PLEKHA6: variants seen among roughly 807,000 people sequenced by gnomAD.
PLEKHA6 encodes pleckstrin homology domain containing A6, also known as pleckstrin homology domain-containing family A member 6.
PLEKHA6 carries 60 observed loss-of-function variants against 116.7 expected under a neutral mutation model. The observed-to-expected ratio is 0.51, with a 90% CI of 0.42 to 0.64. The LOEUF (loss-of-function observed/expected upper bound fraction) is 0.64. Ranked by LOEUF, PLEKHA6 falls within the 30% of genes least tolerant of loss-of-function variation. The pLI is 0.00. For synonymous variants in PLEKHA6, 489 were observed against 556.1 expected, an observed-to-expected ratio of 0.88 and a Z score of 1.70; for missense variants, 1,338 against 1,422.7, an observed-to-expected ratio of 0.94 and a Z score of 0.96.
intron 21 of PLEKHA6, among the ~76,000 whole-genome samples, chr1:204,226,120 C>T (rs940462758): frequency 6.6e-6 from 1 of 152,248 alleles, no homozygotes; most frequent in African/African-American, 2.4e-5. Flanking sequence ...AACCTGTGCC[C>T]ACACAGTGCA....
chr1:204,374,450 A>C (rs1292488376), intron 1 of PLEKHA6, among the ~76,000 whole-genome samples: 1 of 152,144 alleles, frequency 6.6e-6, no homozygotes, highest in Non-Finnish European at 1.5e-5. Context: ...AATAGAAAAG[A>C]TTAGGTGGGA....
At position 204,238,828 on chromosome 1, in the gene PLEKHA6, C is replaced by T. The variant is rs186484409; in HGVS notation, c.2409+2547G>A. Among the ~76,000 whole-genome samples the T allele has an allele frequency of 2.0e-3, 305 of 152,330 alleles. 2 individuals are homozygous for T. Among genetic ancestry groups the T allele is most frequent in the African/African-American group, 7.1e-3 (294 of 41,574 alleles). On this transcript the variant is annotated intron_variant, in intron 17 of 22. Coordinates refer to ENST00000272203, the MANE Select transcript of PLEKHA6 (RefSeq NM_014935.5). The surrounding 1 kb of genome is among the most constrained non-coding windows in gnomAD (Gnocchi z 4.2). ...GCACTACAGCCCCTTTCTAGGACAT[C>T]CCTGAAGAATAGCAGTGAAGGGAAA...
intron 1 of PLEKHA6, among the ~76,000 whole-genome samples, chr1:204,315,637 C>T (rs1224930130): frequency 6.6e-6 from 1 of 152,236 alleles, no homozygotes; most frequent in Non-Finnish European, 1.5e-5. Context: ...GTTAGCCAGT[C>T]ATTCCCTAGA....
In PLEKHA6 at chr1:204,359,828, G is replaced by T; in HGVS notation, c.-229C>A. 1 of 230,468 alleles carries T rather than the reference G, an allele frequency of 4.3e-6. No homozygotes were observed. Among genetic ancestry groups the T allele is most frequent in the Non-Finnish European group, 7.2e-6 (1 of 139,420 alleles). The allele number at this position is 230,468 out of a possible 1,614,324, so 14.3% of individuals were successfully genotyped here. On this transcript the variant is annotated 5_prime_UTR_variant, in exon 1 of 23. Transcript: ENST00000272203. ...CCCCCTTCTGCAGAGCGGGGCTCCG[G>T]ATCTAATCTGATCTAATCAGTCATC...
chr1:204,278,288 G>A (rs1395712167), intron 1 of PLEKHA6, among the ~76,000 whole-genome samples: 2 of 152,216 alleles, frequency 1.3e-5, no homozygotes, highest in Non-Finnish European at 2.9e-5. Flanking sequence ...TCTAGCAAAG[G>A]AGGCTCCAGA....
intron 17 of PLEKHA6, among the ~76,000 whole-genome samples, chr1:204,235,045 T>G (rs1661839316): frequency 7.1e-6 from 1 of 140,928 alleles, no homozygotes; most frequent in African/African-American, 2.6e-5. Flanking sequence ...TATCTGCTAT[T>G]AGTTCTGTCC....
chr1:204,346,818 C>T (rs1673072489), intron 1 of PLEKHA6: 2 of 1,295,790 alleles, frequency 1.5e-6, no homozygotes, highest in Admixed American at 3.4e-5. Flanking sequence ...GCAGCTCAGG[C>T]TCCTTCCCAT....
At position 204,250,685 on chromosome 1, in the gene PLEKHA6, C is replaced by G. The variant is rs554363170; in HGVS notation, c.1525-71G>C. ...GTATGCAGGGATAGGAAGCTAACAT[C>G]ACAATCCCGCTGTGCTCCTGCCAGA... On this transcript the variant is annotated intron_variant, in intron 9 of 22. Transcript: ENST00000272203. The G allele has an allele frequency of 1.4e-4, 144 of 1,021,244 alleles. 3 individuals carry two copies. In the South Asian group the frequency reaches 1.8e-3, roughly 12 times the overall value. The allele number at this position is 1,021,244 out of a possible 1,614,324, so 63.3% of individuals were successfully genotyped here.
At chr1:204,242,043 A>C (rs1234713188) in intron 15 of PLEKHA6, among the ~76,000 whole-genome samples, 1 of 152,160 alleles carries the variant, frequency 6.6e-6, no homozygotes, top group Non-Finnish European at 1.5e-5. Flanking sequence ...ATGATTGCTC[A>C]TGGCCCCTAG....
At chr1:204,246,569 A>C (rs1442525346) in intron 13 of PLEKHA6, among the ~76,000 whole-genome samples, 3 of 152,176 alleles carry the variant, frequency 2.0e-5, no homozygotes, top group Non-Finnish European at 4.4e-5. Flanking sequence ...AGGGAAACAG[A>C]AGAAAATGGG....
chr1:204,337,721 G>C (rs933061414), intron 1 of PLEKHA6, among the ~76,000 whole-genome samples: 1 of 152,156 alleles, frequency 6.6e-6, no homozygotes, highest in Non-Finnish European at 1.5e-5. Flanking sequence ...TCACTTGGGG[G>C]GGGAATCCAG....
intron 1 of PLEKHA6, among the ~76,000 whole-genome samples, chr1:204,337,077 G>A (rs190215282): frequency 6.6e-6 from 1 of 152,352 alleles, no homozygotes; most frequent in East Asian, 1.9e-4. Flanking sequence ...CCCTTGGAGG[G>A]AAGGGTATGA....
intron 1 of PLEKHA6, among the ~76,000 whole-genome samples, chr1:204,320,738 C>A (rs1208376065): frequency 1.3e-5 from 2 of 152,208 alleles, no homozygotes; most frequent in Non-Finnish European, 2.9e-5. Context: ...CCTGTACGCA[C>A]AGCACACTGG....
At position 204,335,980 on chromosome 1, in the gene PLEKHA6, G is replaced by A. The variant is rs148959100; in HGVS notation, c.-95+23714C>T. 3.3e-4 allele frequency among the ~76,000 whole-genome samples: 51 copies of A among 152,280 alleles called. No homozygotes were observed. The East Asian group carries it at 8.3e-3, about 25-fold the overall frequency. ...AGGGCACATGCCCCTACATAAGGGG[G>A]TGGCCCAATGTAAACTTCTCTAGTG... is the stretch of plus-strand genomic sequence containing the variant. On this transcript the variant is annotated intron_variant, in intron 1 of 22. Transcript: ENST00000272203.
chr1:204,308,226 G>A (rs768476498), intron 1 of PLEKHA6, among the ~76,000 whole-genome samples: 8 of 152,190 alleles, frequency 5.3e-5, no homozygotes, highest in South Asian at 2.1e-4. Context: ...CTCCCAGCCC[G>A]ATTCGGCATC....
rs1662856396 is a variant in PLEKHA6, at chr1:204,241,791, G to A, written c.2196C>T (p.Ser732=). Residue 732 remains serine, a synonymous_variant, in exon 16 of 23, where the codon AGC becomes AGT. Coordinates refer to ENST00000272203, the MANE Select transcript of PLEKHA6 (RefSeq NM_014935.5). ...SNEPKANYEQ[S]KKDPHQTLPL... ...GCAATGTCTGGTGGGGGTCTTTCTT[G>A]CTTTGTTCATAGTTTGCCTTGGGCT... The A allele has an allele frequency of 1.2e-6, 2 of 1,614,160 alleles. No homozygotes were observed. Among genetic ancestry groups the A allele is most frequent in the Admixed American group, 1.7e-5 (1 of 60,032 alleles).
chr1:204,312,894 T>G (rs975163282), intron 1 of PLEKHA6, among the ~76,000 whole-genome samples: 1 of 151,120 alleles, frequency 6.6e-6, no homozygotes. Flanking sequence ...TTCTTTTTTT[T>G]CTTTTCCTTT....
At position 204,276,651 on chromosome 1, in the gene PLEKHA6, C is replaced by A. The variant is rs991889742; in HGVS notation, c.-94-1842G>T. 7.9e-5 allele frequency among the ~76,000 whole-genome samples: 12 copies of A among 151,050 alleles called. No homozygotes were observed. In the South Asian group the frequency reaches 2.5e-3, roughly 32 times the overall value. ...GCACTGGCACAGACACACACACACACACACACACACACACACACACACACA... is the reference window on the plus strand; with the variant it reads ...GCACTGGCACAGACACACACACACAAACACACACACACACACACACACACA... On this transcript the variant is annotated intron_variant, in intron 1 of 22. Transcript: ENST00000272203.
In PLEKHA6 at chr1:204,291,262, GA is replaced by G. The variant is rs535683099; in HGVS notation, c.-94-16454del. On this transcript the variant is annotated intron_variant, in intron 1 of 22. Coordinates refer to ENST00000272203, the MANE Select transcript of PLEKHA6 (RefSeq NM_014935.5). ...CCCACTAGAATAGCTAAAATTAAAA[GA>G]CTAACCATACCAAGTGCTGGCAAAA... 2.0e-3 allele frequency among the ~76,000 whole-genome samples: 310 copies of G among 152,218 alleles called. 1 individual carries two copies. Among genetic ancestry groups the G allele is most frequent in the Non-Finnish European group, 3.1e-3 (211 of 68,004 alleles).
Sources: gnomAD v4.1 joint callset for allele counts (sites outside exome capture counted in the v4.1 genomes callset) on GRCh38, gnomAD v4.1.1 for gene constraint, Gnocchi (gnomAD v3.1) non-coding constraint, MANE v1.5 for transcripts, NCBI Gene and HGNC (gene_info 2026-07-23, HGNC 2026-07-21) for gene names.